The following NLRP2 variants were observed in gnomAD, a reference collection of about 807,000 sequenced individuals.
NLRP2 encodes NACHT, LRR and PYD domains-containing protein 2.
NLRP2 carries 107 observed loss-of-function variants against 97.2 expected under a neutral mutation model. The observed-to-expected ratio is 1.10, with a 90% CI of 0.94 to 1.29. The LOEUF (loss-of-function observed/expected upper bound fraction) is 1.29. NLRP2 is among the 50% of genes most tolerant of loss of function. NLRP2 has a pLI of 0.00. For missense variants in NLRP2, 1,495 were observed against 1,330.3 expected (o/e 1.12, Z -1.93); for synonymous variants, 663 against 551.5 (o/e 1.20, Z -2.83).
chr19:54,970,149 A>C lies in NLRP2; in HGVS notation c.134A>C (p.Lys45Thr). 6.2e-7 allele frequency: 1 copy of C among 1,614,098 alleles called. No individual in the cohort carries two copies. The highest frequency in any genetic ancestry group is 8.5e-7 in the Non-Finnish European group (1 of 1,180,008). Residue 45 changes from lysine to threonine, a missense_variant, in exon 2 of 13, where the codon AAG becomes ACG. By Grantham distance (78) the Lys-to-Thr change is moderately conservative. Transcript: ENST00000448584. ...LAHELQKIPH[K>T]EVDKADGKQL... is the part of the protein sequence containing the mutation. ...CACGAGCTCCAGAAGATCCCCCACA[A>C]GGAGGTAGACAAGGCTGATGGGAAG...
At chr19:54,977,259 TAA>T (rs1212856281) in intron 3 of NLRP2, among the ~76,000 whole-genome samples, 5 of 151,958 alleles carry the variant, frequency 3.3e-5, no homozygotes, top group Non-Finnish European at 7.4e-5. Flanking sequence ...CTGTCTGTAC[TAA>T]AAATACAAAA....
chr19:54,986,467 T>TGA (rs1168386889), intron 8 of NLRP2, 152 bp downstream of exon 8: 2 of 716,088 alleles, frequency 2.8e-6, no homozygotes, highest in African/African-American at 1.7e-5. Flanking sequence ...GGGCTGAACT[T>TGA]GAGTTTCTAC....
intron 12 of NLRP2, among the ~76,000 whole-genome samples, chr19:54,997,945 A>G (rs919342166): frequency 1.3e-5 from 2 of 151,204 alleles, no homozygotes; most frequent in Admixed American, 1.3e-4. Flanking sequence ...CTACCTGCTC[A>G]TGATAGCCAT....
At chr19:54,981,482 T>C in intron 4 of NLRP2, 135 bp from the exon 5 acceptor site, 1 of 695,186 alleles carries the variant, frequency 1.4e-6, no homozygotes, top group South Asian at 1.5e-5. Flanking sequence ...AACACATTTG[T>C]AGCTTATTTG....
intron 12 of NLRP2, 26 bp from the exon 13 acceptor site, chr19:55,000,734 C>G: frequency 1.2e-6 from 2 of 1,612,386 alleles, no homozygotes; most frequent in Non-Finnish European, 1.7e-6. Flanking sequence ...CACAAAGTAA[C>G]CTTTTCTTCC....
intron 8 of NLRP2, among the ~76,000 whole-genome samples, chr19:54,989,197 C>G (rs564972887): frequency 1.7e-3 from 255 of 151,258 alleles, no homozygotes; most frequent in Non-Finnish European, 2.3e-3. Context: ...ACCTCCTGAT[C>G]TGCCCACCTC....
At position 55,000,897 on chromosome 19, in the gene NLRP2, G is replaced by T. The variant is rs1219684077; in HGVS notation, c.3188G>T (p.Ter1063LeuextTer22). The change falls in exon 13 of 13, where the codon TGA becomes TTA. Residue 1063 changes from the stop codon to leucine, a stop_lost. Transcript: ENST00000448584. ...CCTTCTTCTCATGACTTCATGATCT[G>T]AATCCCCCCGAGTCATTCATTCTCC... ...ERPSSHDFMI[*>L] 6.2e-7 allele frequency: 1 copy of T among 1,613,616 alleles called. No homozygotes were observed. Among genetic ancestry groups the T allele is most frequent in the South Asian group, 1.1e-5 (1 of 91,060 alleles).
At chr19:55,000,149 G>A (rs2073094123) in intron 12 of NLRP2, among the ~76,000 whole-genome samples, 2 of 151,714 alleles carry the variant, frequency 1.3e-5, no homozygotes, top group East Asian at 2.0e-4. Flanking sequence ...CATGGTGGCA[G>A]GTGCCTGTAG....
chr19:54,974,684 C>T (rs760672974), intron 3 of NLRP2, 140 bp downstream of exon 3: 1 of 696,932 alleles, frequency 1.4e-6, no homozygotes. Context: ...CGGAGCTGGT[C>T]TCGCAGGTGC....
At chr19:55,000,264 GAC>G (rs1345929428) in intron 12 of NLRP2, among the ~76,000 whole-genome samples, 3 of 109,518 alleles carry the variant, frequency 2.7e-5, no homozygotes, top group African/African-American at 1.1e-4. Flanking sequence ...GCAACAGAGA[GAC>G]TGTCTTTTTT....
intron 1 of NLRP2, among the ~76,000 whole-genome samples, chr19:54,968,892 G>C (rs962394386): frequency 3.3e-5 from 5 of 151,276 alleles, no homozygotes; most frequent in Non-Finnish European, 5.9e-5. Context: ...TAGTAGAGAC[G>C]GGGTTTCACT....
chr19:54,981,044 G>T (rs145487769), intron 4 of NLRP2, among the ~76,000 whole-genome samples: 3,582 of 152,290 alleles, frequency 0.024, 62 homozygotes, highest in African/African-American at 0.048. Flanking sequence ...CCGGGAGGCG[G>T]AGGTTGCAGT....
intron 4 of NLRP2, among the ~76,000 whole-genome samples, chr19:54,981,410 AC>A (rs1413806314): frequency 6.6e-6 from 1 of 151,342 alleles, no homozygotes; most frequent in Non-Finnish European, 1.5e-5. Context: ...CAAGTGATCC[AC>A]CCCACCTCAG....
Position 54,983,188 on chromosome 19 carries a change from G to C in NLRP2, c.1490G>C (p.Gly497Ala), listed in dbSNP as rs1320456898. The change falls in exon 6 of 13, where the codon GGC becomes GCC. Residue 497 changes from glycine (G) to alanine (A), a missense_variant. Coordinates refer to ENST00000448584, the MANE Select transcript of NLRP2 (RefSeq NM_017852.5). Reference sequence around the variant, plus strand: ...CTCCGCCAGGACAGAGTCTCCAAAGGCTGCTACTCCTTCATCCACCTCAGC... The same window carrying C: ...CTCCGCCAGGACAGAGTCTCCAAAGCCTGCTACTCCTTCATCCACCTCAGC... Reference protein sequence around the residue: ...DILRQDRVSKGCYSFIHLSFQ... With the variant: ...DILRQDRVSKACYSFIHLSFQ... The C allele has an allele frequency of 1.9e-6, 3 of 1,613,942 alleles. No individual in the cohort carries two copies. The African/African-American group carries it at 4.0e-5, about 22-fold the overall frequency.
chr19:54,999,771 CTA>C (rs1350074008), intron 12 of NLRP2, among the ~76,000 whole-genome samples: 3 of 152,014 alleles, frequency 2.0e-5, no homozygotes, highest in African/African-American at 7.2e-5. Context: ...AAATCTCACT[CTA>C]TTGCTCAGGC....
intron 12 of NLRP2, among the ~76,000 whole-genome samples, chr19:54,999,791 C>T (rs1412923020): frequency 6.6e-6 from 1 of 152,096 alleles, no homozygotes; most frequent in African/African-American, 2.4e-5. Context: ...GGCTGGAGTG[C>T]AGGGGCCCGA....
At chr19:54,997,960 C>T (rs905329272) in intron 12 of NLRP2, among the ~76,000 whole-genome samples, 1 of 151,646 alleles carries the variant, frequency 6.6e-6, no homozygotes, top group Non-Finnish European at 1.5e-5. Context: ...AGCCATTTGT[C>T]ACTGGGCTGT....
At chr19:54,994,563 C>A (rs1034229791) in intron 11 of NLRP2, 124 bp downstream of exon 11, 5 of 976,852 alleles carry the variant, frequency 5.1e-6, no homozygotes, top group South Asian at 1.3e-5. Flanking sequence ...TAGAGTCGAT[C>A]GAGCATTTAC....
rs2072981477 is a variant in NLRP2 at position 54,998,611 on chromosome 19, C to CTTTTTTTTTTTTTTTTTCCTTTTTTTTTT, written c.3050+1141_3050+1142insCCTTTTTTTTTTTTTTTTTTTTTTTTTTT. 9.5e-5 allele frequency among the ~76,000 whole-genome samples: 4 copies of CTTTTTTTTTTTTTTTTTCCTTTTTTTTTT among 42,200 alleles called. 1 individual carries two copies. The highest frequency in any genetic ancestry group is 1.4e-4 in the Non-Finnish European group (3 of 21,528). The allele number at this position is 42,200 out of a possible 152,430, so 27.7% of individuals were successfully genotyped here. ...CTTTTTTTTGGGGTGCATCTTTTTT[C>CTTTTTTTTTTTTTTTTTCCTTTTTTTTTT]TTTTTTTTTTTTTTTTTTCCTTTTT... is the stretch of plus-strand genomic sequence containing the variant. On this transcript the variant is annotated intron_variant, in intron 12 of 12. Transcript: ENST00000448584.
Sources: gnomAD v4.1 joint callset for allele counts (sites outside exome capture counted in the v4.1 genomes callset) on GRCh38, gnomAD v4.1.1 for gene constraint, MANE v1.5 for transcripts, NCBI Gene and HGNC (gene_info 2026-07-23, HGNC 2026-07-21) for gene names.